NRG1: variants seen among roughly 807,000 people sequenced by gnomAD.
NRG1 encodes the protein neuregulin 1.
A neutral mutation model predicts 63.8 loss-of-function variants in NRG1; 18 were observed. The observed-to-expected ratio is 0.28, with a 90% CI of 0.19 to 0.42. The LOEUF is 0.42. Among genes scored for constraint, NRG1 ranks in the 10% least tolerant of loss-of-function variants. NRG1 has a pLI of 1.00. For synonymous variants in NRG1, 302 were observed against 301.3 expected (o/e 1.00, Z -0.02); for missense variants, 762 against 814.7 (o/e 0.94, Z 0.79).
Position 32,651,886 on chromosome 8 carries a change from C to T in NRG1, c.502+35001C>T, listed in dbSNP as rs914157725. ...TTAAATAACTTCTCCCCACTTTAAT[C>T]ATAGCCGATTACAGCCTAAAATATT... On this transcript the variant is annotated intron_variant, in intron 5 of 11. Transcript: ENST00000356819. 2.0e-5 allele frequency among the ~76,000 whole-genome samples: 3 copies of T among 152,150 alleles called. No individual in the cohort carries two copies. The East Asian group carries it at 5.8e-4, about 29-fold the overall frequency.
At chr8:32,065,407 T>C (rs887104560) in intron 1 of NRG1, among the ~76,000 whole-genome samples, 21 of 152,102 alleles carry the variant, frequency 1.4e-4, no homozygotes, top group African/African-American at 5.1e-4. Context: ...CCCGTGTCCA[T>C]GTGTTCTCAT....
chr8:32,629,051 G>A (rs536302838), intron 5 of NRG1, among the ~76,000 whole-genome samples: 4 of 152,086 alleles, frequency 2.6e-5, no homozygotes, highest in Non-Finnish European at 5.9e-5. Context: ...ATTTTTTAAG[G>A]TTTCTAGAAC....
Position 32,614,497 on chromosome 8 carries a change from T to A in NRG1, c.401-17T>A, listed in dbSNP as rs1305460217. 1 of 1,612,172 alleles carries A rather than the reference T, an allele frequency of 6.2e-7. No homozygotes were observed. Among genetic ancestry groups the A allele is most frequent in the East Asian group, 2.2e-5 (1 of 44,842 alleles). On this transcript the variant is annotated splice_polypyrimidine_tract_variant and intron_variant, in intron 3 of 11. Coordinates refer to ENST00000356819, the Ensembl canonical transcript of NRG1. ...CCTGTTTATATATCATAATGTCCTA[T>A]CACCTTTTTTTTTCAGAGATCATCA...
intron 1 of NRG1, among the ~76,000 whole-genome samples, chr8:32,039,035 A>G (rs1819518547): frequency 6.6e-6 from 1 of 152,180 alleles, no homozygotes; most frequent in Non-Finnish European, 1.5e-5. Flanking sequence ...CTGTATGGTT[A>G]TATTCACAAA....
chr8:31,840,226 C>T (rs568435955), intron 1 of NRG1, among the ~76,000 whole-genome samples: 246 of 152,178 alleles, frequency 1.6e-3, no homozygotes, highest in African/African-American at 5.6e-3. Flanking sequence ...ATGACAAAGC[C>T]AGCCAGTCTA....
At chr8:32,530,477 A>G (rs1480921836) in intron 1 of NRG1, among the ~76,000 whole-genome samples, 1 of 152,180 alleles carries the variant, frequency 6.6e-6, no homozygotes, top group African/African-American at 2.4e-5. Context: ...AAATGACTCT[A>G]TTTCCATACA....
chr8:32,091,613 G>A (rs1829170324), intron 1 of NRG1, among the ~76,000 whole-genome samples: 1 of 152,126 alleles, frequency 6.6e-6, no homozygotes, highest in South Asian at 2.1e-4. Context: ...AGGCCAGAGT[G>A]AATTTCAGGT....
chr8:32,528,545 T>C (rs568393524), intron 1 of NRG1, among the ~76,000 whole-genome samples: 5 of 152,228 alleles, frequency 3.3e-5, no homozygotes, highest in Non-Finnish European at 7.3e-5. Context: ...ATAGCAACTC[T>C]GTTCATGAGT....
At chr8:31,925,848 C>T (rs748404890) in intron 1 of NRG1, among the ~76,000 whole-genome samples, 1 of 152,116 alleles carries the variant, frequency 6.6e-6, no homozygotes, top group African/African-American at 2.4e-5. Flanking sequence ...TCTGTCTGGT[C>T]ATCTTTTTAA....
intron 1 of NRG1, among the ~76,000 whole-genome samples, chr8:32,048,609 C>G (rs536480326): frequency 6.6e-6 from 1 of 151,602 alleles, no homozygotes; most frequent in South Asian, 2.1e-4. Flanking sequence ...GTCCCCTTTC[C>G]TCCACATCCT....
chr8:31,710,395 A>G (rs539776779), intron 1 of NRG1, among the ~76,000 whole-genome samples: 1 of 151,964 alleles, frequency 6.6e-6, no homozygotes, highest in Non-Finnish European at 1.5e-5. Flanking sequence ...TATTTCTAAT[A>G]TAAAGTATTT....
intron 1 of NRG1, among the ~76,000 whole-genome samples, chr8:32,563,811 G>A (rs1396067409): frequency 1.3e-5 from 2 of 151,986 alleles, no homozygotes; most frequent in African/African-American, 4.8e-5. Context: ...AACTCATCAA[G>A]TACTTTTTCA....
chr8:31,739,156 C>T (rs749452526), intron 1 of NRG1, among the ~76,000 whole-genome samples: 2 of 152,032 alleles, frequency 1.3e-5, no homozygotes, highest in African/African-American at 2.4e-5. Flanking sequence ...ATGAAATTAC[C>T]TTTACCCTTT....
intron 5 of NRG1, among the ~76,000 whole-genome samples, chr8:32,705,557 G>C (rs576616103): frequency 6.6e-6 from 1 of 152,186 alleles, no homozygotes; most frequent in Non-Finnish European, 1.5e-5. Flanking sequence ...TCTCCACTTT[G>C]AGAGGGGATC....
At chr8:31,870,581 A>G (rs141219037) in intron 1 of NRG1, among the ~76,000 whole-genome samples, 145 of 152,258 alleles carry the variant, frequency 9.5e-4, no homozygotes, top group African/African-American at 1.3e-3. Flanking sequence ...ATAGAATTTT[A>G]ATTATGTAGG....
chr8:31,966,269 T>C (rs1806316287), intron 1 of NRG1, among the ~76,000 whole-genome samples: 1 of 152,182 alleles, frequency 6.6e-6, no homozygotes, highest in African/African-American at 2.4e-5. Context: ...CATGTAGAAA[T>C]TTAGGGATAC....
At chr8:31,699,132 G>A (rs996919596) in intron 1 of NRG1, among the ~76,000 whole-genome samples, 2 of 152,154 alleles carry the variant, frequency 1.3e-5, no homozygotes, top group African/African-American at 2.4e-5. Flanking sequence ...TTTGCAAGCA[G>A]TTCTTCATTT....
At chr8:32,588,249 G>A (rs1051163742) in intron 1 of NRG1, among the ~76,000 whole-genome samples, 5 of 152,138 alleles carry the variant, frequency 3.3e-5, no homozygotes, top group Admixed American at 6.5e-5. Context: ...AGTGCAGTCA[G>A]TTGAGTATGG....
intron 5 of NRG1, among the ~76,000 whole-genome samples, chr8:32,661,344 T>C (rs1802798635): frequency 6.6e-6 from 1 of 152,242 alleles, no homozygotes; most frequent in Admixed American, 6.5e-5. Context: ...AGAAATCTAC[T>C]CATTATCCAG....
Sources: gnomAD v4.1 joint callset for allele counts (sites outside exome capture counted in the v4.1 genomes callset) on GRCh38, gnomAD v4.1.1 for gene constraint, MANE v1.5 for transcripts, NCBI Gene and HGNC (gene_info 2026-07-23, HGNC 2026-07-21) for gene names.